PABPC1L: variants seen among roughly 807,000 people sequenced by gnomAD.
PABPC1L encodes the protein poly(A) binding protein cytoplasmic 1 like.
Under a neutral mutation model 66.6 loss-of-function variants are expected in PABPC1L, and 31 were observed. The observed-to-expected ratio is 0.47, with a 90% CI of 0.35 to 0.63. The LOEUF (loss-of-function observed/expected upper bound fraction) is 0.63, where lower values mean the gene tolerates loss of function less well. Among genes scored for constraint, PABPC1L ranks in the 20% least tolerant of loss-of-function variants. PABPC1L has a pLI of 0.00. For missense variants in PABPC1L, 722 were observed against 848.8 expected, an observed-to-expected ratio of 0.85 and a Z score of 1.86; for synonymous variants, 348 against 335.1, an observed-to-expected ratio of 1.04 and a Z score of -0.42.
At position 44,921,576 on chromosome 20, in the gene PABPC1L, C is replaced by G. The variant is rs1178144331; in HGVS notation, c.739-18C>G. Reference sequence around the variant, plus strand: ...CATCTGAGTGGTTACCAAGCATGTTCCCTCCTCCTTTCCCCAGGCCGTGGT... The same window carrying G: ...CATCTGAGTGGTTACCAAGCATGTTGCCTCCTCCTTTCCCCAGGCCGTGGT... On this transcript the variant is annotated intron_variant, in intron 5 of 14. Transcript: ENST00000217073. The G allele has an allele frequency of 1.9e-6, 3 of 1,613,426 alleles. No homozygotes were observed. Among genetic ancestry groups the G allele is most frequent in the Non-Finnish European group, 2.5e-6 (3 of 1,179,716 alleles).
chr20:44,910,106 G>C lies in PABPC1L; in HGVS notation c.-38G>C. The C allele has an allele frequency of 6.6e-7, 1 of 1,512,106 alleles. No individual in the cohort carries two copies. Among genetic ancestry groups the C allele is most frequent in the Non-Finnish European group, 8.9e-7 (1 of 1,121,816 alleles). The allele number at this position is 1,512,106 out of a possible 1,614,324, so 93.7% of individuals were successfully genotyped here. ...GAGCGCGGGGCTGCTGGGTGACCCG[G>C]CTCCTGCTTGCCCCGCAGCCCCGGC... is the stretch of plus-strand genomic sequence containing the variant. On this transcript the variant is annotated 5_prime_UTR_variant, in exon 1 of 15. Transcript: ENST00000217073.
chr20:44,918,982 T>C lies in PABPC1L; in HGVS notation c.580T>C (p.Tyr194His). 1 of 1,613,568 alleles carries C rather than the reference T, an allele frequency of 6.2e-7. No homozygotes were observed. Among genetic ancestry groups the C allele is most frequent in the Non-Finnish European group, 8.5e-7 (1 of 1,179,742 alleles). ...GCGGGCCCTGGAGTTCACCAACATC[T>C]ACGTGAAGAACCTCCCGGTGGATGT... The part of the protein sequence containing the change: ...GARALEFTNI[Y>H]VKNLPVDVDE... The change falls in exon 4 of 15, where the codon TAC becomes CAC. Residue 194 changes from tyrosine to histidine, a missense_variant. This residue lies in a region of PABPC1L where 284 missense variants were observed against 294.8 expected (regional missense o/e 0.96). Coordinates refer to ENST00000217073, the MANE Select transcript of PABPC1L (RefSeq NM_001372179.1).
rs2066755913 is a variant in PABPC1L, at chr20:44,919,056, C to A, written c.643+11C>A. On this transcript the variant is annotated intron_variant, in intron 4 of 14. Transcript: ENST00000217073. ...TCTTCTCCCAGTTTGGTGGGTGTGT[C>A]CCCAAGGGAGCGGGGGGATCACTGT... 1 of 1,610,798 alleles carries A rather than the reference C, an allele frequency of 6.2e-7. No individual in the cohort carries two copies. Among genetic ancestry groups the A allele is most frequent in the Non-Finnish European group, 8.5e-7 (1 of 1,178,102 alleles).
intron 2 of PABPC1L, among the ~76,000 whole-genome samples, chr20:44,913,057 G>C (rs895047551): frequency 6.6e-6 from 1 of 152,284 alleles, no homozygotes; most frequent in South Asian, 2.1e-4. Flanking sequence ...GTCAGCTCTC[G>C]CTGTGTAACC....
intron 1 of PABPC1L, among the ~76,000 whole-genome samples, chr20:44,912,414 G>C (rs1411869355): frequency 6.6e-6 from 1 of 152,174 alleles, no homozygotes; most frequent in Non-Finnish European, 1.5e-5. Context: ...TGGCTGCAGG[G>C]AGTTGGTTGA....
rs778641433 is a variant in PABPC1L, at chr20:44,918,987, G to A, written c.585G>A (p.Val195=). The stretch of plus-strand genomic sequence containing the variant: ...CCCTGGAGTTCACCAACATCTACGT[G>A]AAGAACCTCCCGGTGGATGTGGACG... The part of the protein sequence containing the change: ...ARALEFTNIY[V]KNLPVDVDEQ... Residue 195 remains valine (V), a synonymous_variant, in exon 4 of 15, where the codon GTG becomes GTA. Coordinates refer to ENST00000217073, the MANE Select transcript of PABPC1L (RefSeq NM_001372179.1). The A allele has an allele frequency of 1.9e-6, 3 of 1,613,540 alleles. No homozygotes were observed. The highest frequency in any genetic ancestry group is 2.2e-5 in the East Asian group (1 of 44,888).
At chr20:44,915,019 A>C (rs1430485978) in intron 2 of PABPC1L, among the ~76,000 whole-genome samples, 1 of 152,184 alleles carries the variant, frequency 6.6e-6, no homozygotes. Context: ...CACAGTGGGG[A>C]CCCAGTCAAC....
rs766281672 is a variant in PABPC1L at position 44,912,862 on chromosome 20, T to C, written c.387+9T>C. On this transcript the variant is annotated intron_variant, in intron 2 of 14. Coordinates refer to ENST00000217073, the MANE Select transcript of PABPC1L (RefSeq NM_001372179.1). ...ACATCCTCTCTTGCAAGGTAGAGGA[T>C]GAAGGGTGTACGTCTTTGGGTAGAT... The C allele has an allele frequency of 6.2e-7, 1 of 1,612,236 alleles. No individual in the cohort carries two copies. Among genetic ancestry groups the C allele is most frequent in the African/African-American group, 1.3e-5 (1 of 75,002 alleles).
At chr20:44,913,412 C>T (rs1055440637) in intron 2 of PABPC1L, among the ~76,000 whole-genome samples, 27 of 151,406 alleles carry the variant, frequency 1.8e-4, no homozygotes, top group African/African-American at 6.1e-4. Flanking sequence ...ACTTCCACTA[C>T]GTTTTTTTTT....
chr20:44,910,100 G>A lies in PABPC1L; in HGVS notation c.-44G>A. The A allele has an allele frequency of 6.7e-7, 1 of 1,498,644 alleles. No individual in the cohort carries two copies. The highest frequency in any genetic ancestry group is 9.0e-7 in the Non-Finnish European group (1 of 1,112,014). 92.8% of individuals were successfully genotyped at this position (1,498,644 alleles called of 1,614,324 possible). On this transcript the variant is annotated 5_prime_UTR_variant, in exon 1 of 15. Coordinates refer to ENST00000217073, the MANE Select transcript of PABPC1L (RefSeq NM_001372179.1). ...CCGGGTGAGCGCGGGGCTGCTGGGTGACCCGGCTCCTGCTTGCCCCGCAGC... is the reference window on the plus strand; with the variant it reads ...CCGGGTGAGCGCGGGGCTGCTGGGTAACCCGGCTCCTGCTTGCCCCGCAGC...
intron 14 of PABPC1L, 105 bp from the exon 15 acceptor site, chr20:44,939,021 A>G (rs1340382363): frequency 1.4e-6 from 1 of 705,134 alleles, no homozygotes; most frequent in African/African-American, 1.8e-5. Flanking sequence ...GCCTGGCTCC[A>G]TTCTGCCTGC....
chr20:44,936,495 C>G (rs976060368), intron 11 of PABPC1L, 142 bp from the exon 12 acceptor site: 5 of 652,154 alleles, frequency 7.7e-6, no homozygotes, highest in Non-Finnish European at 7.9e-6. Context: ...TGGGGACTCT[C>G]CACCCCACCT....
chr20:44,928,864 C>CTTT (rs2066828940), intron 7 of PABPC1L, among the ~76,000 whole-genome samples: 2 of 54,334 alleles, frequency 3.7e-5, no homozygotes, highest in African/African-American at 1.7e-4. Flanking sequence ...GATCCTGACT[C>CTTT]AAAAAAAAAA....
intron 7 of PABPC1L, among the ~76,000 whole-genome samples, chr20:44,926,950 G>A (rs149950769): frequency 4.6e-4 from 70 of 151,816 alleles, no homozygotes; most frequent in African/African-American, 1.5e-3. Context: ...ATCATGGCAC[G>A]CCACAACCTC....
At chr20:44,921,060 G>A (rs1203093241) in intron 5 of PABPC1L, among the ~76,000 whole-genome samples, 5 of 151,628 alleles carry the variant, frequency 3.3e-5, no homozygotes, top group South Asian at 2.1e-4. Context: ...TGATCCAACC[G>A]CCTTGGCCTC....
At chr20:44,938,525 C>A in intron 13 of PABPC1L, 149 bp from the exon 14 acceptor site, 3 of 895,020 alleles carry the variant, frequency 3.4e-6, no homozygotes, top group Non-Finnish European at 5.1e-6. Context: ...TGGGATCTTG[C>A]AAGCAGTGGT....
At chr20:44,931,014 T>TTCCTTCCC (rs1401098734) in intron 8 of PABPC1L, among the ~76,000 whole-genome samples, 3 of 67,670 alleles carry the variant, frequency 4.4e-5, no homozygotes, top group African/African-American at 2.2e-4. Context: ...CCTCCCTTCC[T>TTCCTTCCC]TCCCTTCCCT....
Position 44,924,163 on chromosome 20 carries a change from T to G in PABPC1L, c.879T>G (p.Gly293=), listed in dbSNP as rs1568646354. ...MKQDRLRRYQ[G]VNLYVKNLDD... ...CAGCAGTTTCCCTTCCATCCCAGGGTGTGAACTTGTATGTGAAGAATCTGG... is the reference window on the plus strand; with the variant it reads ...CAGCAGTTTCCCTTCCATCCCAGGGGGTGAACTTGTATGTGAAGAATCTGG... Residue 293 remains glycine, a splice_region_variant and synonymous_variant, in exon 7 of 15, where the codon GGT becomes GGG. Coordinates refer to ENST00000217073, the MANE Select transcript of PABPC1L (RefSeq NM_001372179.1). 1 of 1,612,710 alleles carries G rather than the reference T, an allele frequency of 6.2e-7. No individual in the cohort carries two copies. Among genetic ancestry groups the G allele is most frequent in the Non-Finnish European group, 8.5e-7 (1 of 1,178,776 alleles).
At chr20:44,928,864 CAAAAAAAAA>C (rs10597679) in intron 7 of PABPC1L, among the ~76,000 whole-genome samples, 4 of 54,340 alleles carry the variant, frequency 7.4e-5, no homozygotes, top group South Asian at 8.6e-4. Flanking sequence ...GATCCTGACT[CAAAAAAAAA>C]AAAAAAAAAA....
Sources: allele counts gnomAD v4.1 joint callset (sites outside exome capture counted in the v4.1 genomes callset), GRCh38; gene constraint gnomAD v4.1.1; regional missense constraint gnomAD v4.1.1; transcripts MANE v1.5; gene names NCBI Gene and HGNC (gene_info 2026-07-23, HGNC 2026-07-21).